ANO4: variants seen among roughly 807,000 people sequenced by gnomAD.
ANO4 encodes the protein anoctamin 4.
ANO4 carries 69 observed loss-of-function variants against 141.9 expected under a neutral mutation model. The ratio of observed to expected loss-of-function variants is 0.49; its 90% CI spans 0.40 to 0.59. The LOEUF (loss-of-function observed/expected upper bound fraction) is 0.59, where lower values mean the gene tolerates loss of function less well. Ranked by LOEUF, ANO4 falls within the 20% of genes least tolerant of loss-of-function variation. The pLI, the probability that ANO4 is intolerant of heterozygous loss-of-function variation, is 0.00. For synonymous variants in ANO4, 350 were observed against 394.3 expected, an observed-to-expected ratio of 0.89 and a Z score of 1.33; for missense variants, 894 against 1,162.2, an observed-to-expected ratio of 0.77 and a Z score of 3.36.
chr12:101,103,227 A>C lies in ANO4; in HGVS notation c.2149+3507A>C, dbSNP rs866222309. On this transcript the variant is annotated intron_variant, in intron 22 of 27. Coordinates refer to ENST00000392977, the MANE Select transcript of ANO4 (RefSeq NM_001286615.2). Reference sequence around the variant, plus strand: ...TATATATATATATATATATATATATATATCTTTTTGTTCTTGCCTAAATGC... The same window carrying C: ...TATATATATATATATATATATATATCTATCTTTTTGTTCTTGCCTAAATGC... Among the ~76,000 whole-genome samples the C allele has an allele frequency of 2.3e-3, 250 of 108,810 alleles. 3 individuals are homozygous for C. Among genetic ancestry groups the C allele is most frequent in the African/African-American group, 9.3e-3 (230 of 24,640 alleles). The allele number at this position is 108,810 out of a possible 152,430, so 71.4% of individuals were successfully genotyped here.
chr12:100,946,325 C>T (rs78837012), intron 5 of ANO4, among the ~76,000 whole-genome samples: 2,588 of 152,186 alleles, frequency 0.017, 75 homozygotes, highest in African/African-American at 0.059. Context: ...TAAGGGCATT[C>T]GGGTTGCCTG....
chr12:101,004,586 C>T (rs1592987744), intron 8 of ANO4, among the ~76,000 whole-genome samples: 1 of 152,124 alleles, frequency 6.6e-6, no homozygotes, highest in Admixed American at 6.6e-5. Context: ...ATGTAGTTTG[C>T]AGAGTCTCTA....
chr12:100,864,918 A>G (rs777358635), intron 1 of ANO4, among the ~76,000 whole-genome samples: 18 of 151,912 alleles, frequency 1.2e-4, no homozygotes, highest in Admixed American at 1.2e-3. Flanking sequence ...ACTCCCACTT[A>G]TGAGTGAGAA....
intron 1 of ANO4, among the ~76,000 whole-genome samples, chr12:100,894,385 G>T (rs150913735): frequency 2.0e-4 from 31 of 152,130 alleles, no homozygotes; most frequent in African/African-American, 6.5e-4. Context: ...TGGTTGGGGG[G>T]AGCGGGGGCG....
chr12:100,814,341 G>A, intron 1 of ANO4, among the ~76,000 whole-genome samples: 1 of 152,060 alleles, frequency 6.6e-6, no homozygotes, highest in East Asian at 1.9e-4. Flanking sequence ...GAACATTTTT[G>A]TCACCCCAAT....
At chr12:101,025,539 G>A (rs973101434) in intron 9 of ANO4, among the ~76,000 whole-genome samples, 1 of 152,226 alleles carries the variant, frequency 6.6e-6, no homozygotes, top group African/African-American at 2.4e-5. Flanking sequence ...AGCAAGTGCT[G>A]ATCAGTGCAT....
intron 3 of ANO4, among the ~76,000 whole-genome samples, chr12:100,929,135 T>C (rs901399176): frequency 5.3e-5 from 8 of 152,116 alleles, no homozygotes; most frequent in African/African-American, 1.9e-4. Flanking sequence ...AATCCAATTA[T>C]ACTTTTAGTT....
Position 101,111,635 on chromosome 12 carries a change from C to T in ANO4, c.2375C>T (p.Thr792Ile). The T allele has an allele frequency of 1.2e-6, 2 of 1,613,020 alleles. No homozygotes were observed. Among genetic ancestry groups the T allele is most frequent in the Non-Finnish European group, 1.7e-6 (2 of 1,179,478 alleles). Residue 792 changes from threonine to isoleucine, a missense_variant, in exon 24 of 28, where the codon ACA becomes ATA. Physicochemically the swap from Thr to Ile is moderately conservative, Grantham distance 89. This residue lies in a region of ANO4 where 637 missense variants were observed against 909.2 expected (regional missense o/e 0.70). Coordinates refer to ENST00000392977, the MANE Select transcript of ANO4 (RefSeq NM_001286615.2). ...VITNAFVIAI[T>I]SDFIPRLVYA... ...ACAAATGCATTTGTCATAGCGATAA[C>T]ATCTGACTTTATCCCTCGCTTGGTG...
intron 13 of ANO4, among the ~76,000 whole-genome samples, chr12:101,047,518 A>T (rs1223736645): frequency 6.6e-6 from 1 of 152,178 alleles, no homozygotes; most frequent in East Asian, 1.9e-4. Flanking sequence ...ACCTCTTTAT[A>T]TTTGGTGCAT....
intron 9 of ANO4, among the ~76,000 whole-genome samples, chr12:101,025,493 C>A (rs983693153): frequency 6.6e-6 from 1 of 152,180 alleles, no homozygotes; most frequent in Non-Finnish European, 1.5e-5. Flanking sequence ...AGGGCTAGAA[C>A]CTTGAAGATC....
At chr12:100,955,336 G>A (rs1334680392) in intron 5 of ANO4, among the ~76,000 whole-genome samples, 2 of 152,198 alleles carry the variant, frequency 1.3e-5, no homozygotes, top group Non-Finnish European at 2.9e-5. Flanking sequence ...TGACTCACAT[G>A]GCTGGAATGT....
chr12:100,953,879 G>C (rs895225918), intron 5 of ANO4, among the ~76,000 whole-genome samples: 1 of 133,702 alleles, frequency 7.5e-6, no homozygotes, highest in Admixed American at 7.0e-5. Flanking sequence ...TAACTGAATG[G>C]GGGGGTATGG....
chr12:100,862,132 G>T (rs1465297481), intron 1 of ANO4, among the ~76,000 whole-genome samples: 1 of 152,028 alleles, frequency 6.6e-6, no homozygotes, highest in East Asian at 1.9e-4. Flanking sequence ...TCATTATGTT[G>T]CCCAAGCTGG....
chr12:100,917,021 G>A (rs376018678), intron 2 of ANO4, among the ~76,000 whole-genome samples: 2 of 151,162 alleles, frequency 1.3e-5, no homozygotes, highest in East Asian at 1.9e-4. Context: ...GGTACAGAAT[G>A]AATTTTAAAA....
intron 14 of ANO4, among the ~76,000 whole-genome samples, chr12:101,078,668 T>C (rs914855952): frequency 1.3e-5 from 2 of 151,988 alleles, no homozygotes. Context: ...AACAGGAAAA[T>C]ATATTTTACA....
chr12:100,827,230 G>A (rs1182703879), intron 1 of ANO4, among the ~76,000 whole-genome samples: 1 of 151,890 alleles, frequency 6.6e-6, no homozygotes, highest in Non-Finnish European at 1.5e-5. Context: ...AGGCCCTTTT[G>A]ATGATCCTTG....
chr12:101,111,128 G>T lies in ANO4; in HGVS notation c.2303-435G>T, dbSNP rs193095273. ...ATTGCATGTGGATGTTATTGTTAAT[G>T]ACGTCTTTTAACCTCCACATGAAAC... is the stretch of plus-strand genomic sequence containing the variant. On this transcript the variant is annotated intron_variant, in intron 23 of 27. Coordinates refer to ENST00000392977, the MANE Select transcript of ANO4 (RefSeq NM_001286615.2). Among the ~76,000 whole-genome samples, 3 of 152,370 alleles carry T rather than the reference G, an allele frequency of 2.0e-5. No homozygotes were observed. The East Asian group carries it at 5.8e-4, about 29-fold the overall frequency.
rs764584813 is a variant in ANO4, at chr12:100,971,368, A to G, written c.519A>G (p.Gly173=). 1 of 1,610,944 alleles carries G rather than the reference A, an allele frequency of 6.2e-7. No homozygotes were observed. Among genetic ancestry groups the G allele is most frequent in the Non-Finnish European group, 8.5e-7 (1 of 1,177,676 alleles). ...VKLHAPWEVL[G]RYAEQMNVRM... ...TGCATGCCCCATGGGAAGTCCTTGG[A>G]AGATATGCAGAACAAATGAATGTAA... Residue 173 remains glycine (G), a synonymous_variant, in exon 6 of 28, where the codon GGA becomes GGG. Transcript: ENST00000392977.
chr12:100,741,302 G>T (rs150709278), intron 3 of ANO4, among the ~76,000 whole-genome samples: 1 of 152,174 alleles, frequency 6.6e-6, no homozygotes, highest in Non-Finnish European at 1.5e-5. Context: ...TATAGATGCT[G>T]CCACCTAGAG....
Sources: allele counts gnomAD v4.1 joint callset (sites outside exome capture counted in the v4.1 genomes callset), GRCh38; gene constraint gnomAD v4.1.1; regional missense constraint gnomAD v4.1.1; transcripts MANE v1.5; gene names NCBI Gene and HGNC (gene_info 2026-07-23, HGNC 2026-07-21).